The following FIGLA variants were observed in gnomAD, a reference collection of about 807,000 sequenced individuals.
The protein encoded by FIGLA is folliculogenesis specific bHLH transcription factor, also known as factor in the germline alpha.
In FIGLA, 17 loss-of-function variants were observed where a neutral mutation model predicts 21.5. The ratio of observed to expected loss-of-function variants is 0.79; its 90% CI spans 0.54 to 1.19. FIGLA has a LOEUF of 1.19. Among genes scored for constraint, FIGLA ranks in the 50% most tolerant of loss-of-function variants. FIGLA has a pLI of 0.00. For synonymous variants in FIGLA, 129 were observed against 117.6 expected (o/e 1.10, Z -0.63); for missense variants, 282 against 285.0 (o/e 0.99, Z 0.08).
chr2:70,785,533 A>C lies in FIGLA; in HGVS notation c.491T>G (p.Phe164Cys), dbSNP rs782290788. The change falls in exon 3 of 5, where the codon TTC becomes TGC. Residue 164 changes from phenylalanine (F) to cysteine (C), a missense_variant. Transcript: ENST00000332372. ...CCCTTCCTCTTCATTCTTCAAGCCG[A>C]AAGCACAGCTGATATGTTGGGTGAT... ...RNITQHISCA[F>C]GLKNEEEGPW... 20 of 1,614,004 alleles carry C rather than the reference A, an allele frequency of 1.2e-5. No individual in the cohort carries two copies. Among genetic ancestry groups the C allele is most frequent in the Non-Finnish European group, 1.6e-5 (19 of 1,179,886 alleles).
intron 2 of FIGLA, 54 bp from the exon 3 acceptor site, chr2:70,785,693 G>T: frequency 7.4e-7 from 1 of 1,348,184 alleles, no homozygotes; most frequent in Non-Finnish European, 1.1e-6. Context: ...AGATTTTGAT[G>T]ACTTAAACTA....
Position 70,787,739 on chromosome 2 carries a change from G to T in FIGLA, c.294C>A (p.Ser98Arg). 1 of 1,612,788 alleles carries T rather than the reference G, an allele frequency of 6.2e-7. No individual in the cohort carries two copies. Among genetic ancestry groups the T allele is most frequent in the South Asian group, 1.1e-5 (1 of 90,546 alleles). Residue 98 changes from serine to arginine, a missense_variant, in exon 2 of 5, where the codon AGC (serine) becomes AGA (arginine). Ser to Arg is a moderately radical substitution (Grantham distance 110). Coordinates refer to ENST00000332372, the MANE Select transcript of FIGLA (RefSeq NM_001004311.3). ...GGATATCAACTTTGCTGGGCTTCCT[G>T]CTTTGGGGAAGAAATGGCACAAGTG... ...LKALVPFLPQ[S>R]RKPSKVDILK...
At position 70,790,588 on chromosome 2, in the gene FIGLA, G is replaced by C; in HGVS notation, c.51C>G (p.Leu17=). 1 of 1,488,050 alleles carries C rather than the reference G, an allele frequency of 6.7e-7. No individual in the cohort carries two copies. Among genetic ancestry groups the C allele is most frequent in the South Asian group, 1.3e-5 (1 of 77,880 alleles). The allele number at this position is 1,488,050 out of a possible 1,614,324, so 92.2% of individuals were successfully genotyped here. Residue 17 remains leucine (L), a synonymous_variant, in exon 1 of 5, where the codon CTC becomes CTG. Transcript: ENST00000332372. ...VLDPRAAPPA[L]LGTPQAEVLE... ...GCACCTCGGCTTGCGGGGTGCCCAG[G>C]AGCGCGGGCGGCGCGGCGCGGGGAT...
Position 70,790,492 on chromosome 2 carries a change from C to T in FIGLA, c.147G>A (p.Leu49=). 1 of 1,543,756 alleles carries T rather than the reference C, an allele frequency of 6.5e-7. No homozygotes were observed. The highest frequency in any genetic ancestry group is 8.7e-7 in the Non-Finnish European group (1 of 1,146,396). ...QLAAVCRLKR[L]PSGGYSSTEN... ...CAGTGGACGAGTAGCCGCCCGAGGG[C>T]AGCCGCTTGAGCCGGCAGACAGCGG... Residue 49 remains leucine, a synonymous_variant, in exon 1 of 5, where the codon CTG becomes CTA. Transcript: ENST00000332372.
In FIGLA at chr2:70,783,004, G is replaced by A. The variant is rs564311164; in HGVS notation, c.609+2411C>T. ...ACCCGGGAGGCGGAGGTTGCAGTGAGTCGAGATGGTGCCACTGCACTCCAG... is the reference window on the plus strand; with the variant it reads ...ACCCGGGAGGCGGAGGTTGCAGTGAATCGAGATGGTGCCACTGCACTCCAG... On this transcript the variant is annotated intron_variant, in intron 3 of 4. Coordinates refer to ENST00000332372, the MANE Select transcript of FIGLA (RefSeq NM_001004311.3). Among the ~76,000 whole-genome samples, 249 of 150,312 alleles carry A rather than the reference G, an allele frequency of 1.7e-3. 2 individuals are homozygous for A. Among genetic ancestry groups the A allele is most frequent in the Middle Eastern group, 6.8e-3 (2 of 294 alleles).
intron 3 of FIGLA, among the ~76,000 whole-genome samples, chr2:70,781,437 T>C (rs1411889178): frequency 6.6e-6 from 1 of 152,172 alleles, no homozygotes; most frequent in Non-Finnish European, 1.5e-5. Flanking sequence ...GTGGGGACAA[T>C]TGGAGCAATA....
At chr2:70,784,212 C>A (rs1675905797) in intron 3 of FIGLA, among the ~76,000 whole-genome samples, 1 of 152,110 alleles carries the variant, frequency 6.6e-6, no homozygotes, top group Admixed American at 6.5e-5. Flanking sequence ...CCCACCCCTG[C>A]CCTGCCCCCA....
chr2:70,778,628 T>C (rs983685028), intron 3 of FIGLA, among the ~76,000 whole-genome samples: 4 of 152,192 alleles, frequency 2.6e-5, no homozygotes, highest in Non-Finnish European at 4.4e-5. Flanking sequence ...TAGTTTGTTT[T>C]TAAGAATTAG....
chr2:70,790,028 C>T (rs1676031312), intron 1 of FIGLA, among the ~76,000 whole-genome samples: 2 of 152,196 alleles, frequency 1.3e-5, no homozygotes, highest in South Asian at 4.1e-4. Context: ...CTGCGCGTCC[C>T]AAGCACCCAC....
chr2:70,783,231 T>C (rs1403759268), intron 3 of FIGLA, among the ~76,000 whole-genome samples: 1 of 152,172 alleles, frequency 6.6e-6, no homozygotes, highest in Non-Finnish European at 1.5e-5. Context: ...CGTCGAGTCT[T>C]CCTTGGTTCA....
chr2:70,787,334 A>G (rs924965474), intron 2 of FIGLA, among the ~76,000 whole-genome samples: 5 of 152,240 alleles, frequency 3.3e-5, no homozygotes, highest in Non-Finnish European at 5.9e-5. Flanking sequence ...GTCCAGCTGT[A>G]GAAATCCTAT....
chr2:70,782,771 A>C (rs1422970914), intron 3 of FIGLA, among the ~76,000 whole-genome samples: 1 of 152,130 alleles, frequency 6.6e-6, no homozygotes, highest in Non-Finnish European at 1.5e-5. Context: ...TAATTTTTTT[A>C]ATTTTAAAAA....
intron 1 of FIGLA, among the ~76,000 whole-genome samples, chr2:70,789,297 C>T (rs1266257314): frequency 2.0e-5 from 3 of 152,134 alleles, no homozygotes; most frequent in African/African-American, 7.2e-5. Flanking sequence ...TTAACCTTAT[C>T]ATTATAAAGA....
chr2:70,787,542 T>A, intron 2 of FIGLA, 107 bp downstream of exon 2: 1 of 1,187,996 alleles, frequency 8.4e-7, no homozygotes, highest in Non-Finnish European at 1.2e-6. Context: ...TTAGAGGTTA[T>A]AAACCTTAAG....
chr2:70,783,910 G>A (rs975784838), intron 3 of FIGLA, among the ~76,000 whole-genome samples: 3 of 151,248 alleles, frequency 2.0e-5, no homozygotes, highest in East Asian at 1.9e-4. Flanking sequence ...GGCTGGTCTC[G>A]AACTCCTGAC....
At chr2:70,788,281 C>A (rs1675993278) in intron 1 of FIGLA, among the ~76,000 whole-genome samples, 1 of 152,194 alleles carries the variant, frequency 6.6e-6, no homozygotes, top group South Asian at 2.1e-4. Flanking sequence ...CTCACCCAAA[C>A]CTGGCACATA....
At chr2:70,786,796 C>T (rs1229645507) in intron 2 of FIGLA, among the ~76,000 whole-genome samples, 1 of 152,198 alleles carries the variant, frequency 6.6e-6, no homozygotes, top group Non-Finnish European at 1.5e-5. Flanking sequence ...ACCTCTCACA[C>T]TCCTCACCTT....
chr2:70,790,633 G>A lies in FIGLA; in HGVS notation c.6C>T (p.Asp2=). Residue 2 remains aspartate (D), a synonymous_variant, in exon 1 of 5, where the codon GAC becomes GAT. Coordinates refer to ENST00000332372, the MANE Select transcript of FIGLA (RefSeq NM_001004311.3). ...GGGGATCTAGGACGCCGGGCGCGGG[G>A]TCCATGGCAGGGCCGAGGCCGCTGA... The part of the protein sequence containing the change: M[D]PAPGVLDPRA... 1.4e-6 allele frequency: 2 copies of A among 1,384,376 alleles called. No homozygotes were observed. The highest frequency in any genetic ancestry group is 1.9e-6 in the Non-Finnish European group (2 of 1,075,550). 85.8% of individuals were successfully genotyped at this position (1,384,376 alleles called of 1,614,324 possible). A position where few individuals can be genotyped will look rare whatever the true frequency, so the allele number is the denominator to read the frequency against.
At chr2:70,784,645 A>G (rs1366271955) in intron 3 of FIGLA, among the ~76,000 whole-genome samples, 2 of 151,948 alleles carry the variant, frequency 1.3e-5, no homozygotes, top group Non-Finnish European at 2.9e-5. Flanking sequence ...ACCATCTGTG[A>G]CTCCACAGCC....
Sources: gnomAD v4.1 joint callset for allele counts (sites outside exome capture counted in the v4.1 genomes callset) on GRCh38, gnomAD v4.1.1 for gene constraint, MANE v1.5 for transcripts, NCBI Gene and HGNC (gene_info 2026-07-23, HGNC 2026-07-21) for gene names.